The following CD38 variants were observed in gnomAD, a reference collection of about 807,000 sequenced individuals.
CD38 encodes ADP-ribosyl cyclase/cyclic ADP-ribose hydrolase 1.
CD38 carries 31 observed loss-of-function variants against 36.3 expected under a neutral mutation model. That is an observed-to-expected ratio of 0.85 (90% CI 0.64 to 1.15). The LOEUF is 1.15. Among genes scored for constraint, CD38 ranks in the 50% most tolerant of loss-of-function variants. The pLI, the probability that CD38 is intolerant of heterozygous loss-of-function variation, is 0.00. For synonymous variants in CD38, 131 were observed against 135.2 expected, an observed-to-expected ratio of 0.97 and a Z score of 0.22; for missense variants, 380 against 371.9, an observed-to-expected ratio of 1.02 and a Z score of -0.18.
chr4:15,819,995 C>G (rs573925418), intron 2 of CD38, among the ~76,000 whole-genome samples: 1 of 152,208 alleles, frequency 6.6e-6, no homozygotes, highest in Non-Finnish European at 1.5e-5. Context: ...AACAGCAGAC[C>G]TCTCAGCAGA....
chr4:15,821,005 C>T (rs13124795), intron 2 of CD38, among the ~76,000 whole-genome samples: 21,327 of 152,172 alleles, frequency 0.14, 1,707 homozygotes, highest in South Asian at 0.24. Flanking sequence ...GACCACAGCA[C>T]AATCAAATTA....
At chr4:15,814,634 G>A (rs1394630264) in intron 1 of CD38, among the ~76,000 whole-genome samples, 8 of 151,974 alleles carry the variant, frequency 5.3e-5, no homozygotes, top group African/African-American at 1.7e-4. Flanking sequence ...GTAAAGAAGG[G>A]GTCCAGTTTT....
intron 4 of CD38, among the ~76,000 whole-genome samples, chr4:15,837,402 G>T (rs1724092755): frequency 6.6e-6 from 1 of 151,994 alleles, no homozygotes; most frequent in Non-Finnish European, 1.5e-5. Context: ...ATACAATACA[G>T]TTGGATAATG....
intron 3 of CD38, among the ~76,000 whole-genome samples, chr4:15,831,551 C>T (rs556979932): frequency 6.6e-6 from 1 of 151,998 alleles, no homozygotes; most frequent in Admixed American, 6.6e-5. Context: ...ACCAGATATA[C>T]TATTCTAGAG....
chr4:15,790,945 G>A (rs372644620), intron 1 of CD38, among the ~76,000 whole-genome samples: 2 of 143,932 alleles, frequency 1.4e-5, no homozygotes, highest in Admixed American at 6.8e-5. Flanking sequence ...CCTGGCAACC[G>A]CCCCGTCTGA....
chr4:15,782,141 G>A (rs1463176158), intron 1 of CD38, among the ~76,000 whole-genome samples: 1 of 152,162 alleles, frequency 6.6e-6, no homozygotes, highest in East Asian at 1.9e-4. Flanking sequence ...CCTGGTGGAG[G>A]TGAATTTCTT....
At position 15,778,445 on chromosome 4, in the gene CD38, G is replaced by A; in HGVS notation, c.31G>A (p.Gly11Arg). 1.2e-6 allele frequency: 2 copies of A among 1,613,830 alleles called. No individual in the cohort carries two copies. The highest frequency in any genetic ancestry group is 1.7e-6 in the Non-Finnish European group (2 of 1,179,918). The change falls in exon 1 of 8, where the codon GGG becomes AGG. Residue 11 changes from glycine to arginine, a missense_variant. Physicochemically the swap from Gly to Arg is moderately radical, Grantham distance 125. Coordinates refer to ENST00000226279, the MANE Select transcript of CD38 (RefSeq NM_001775.4). The surrounding 1 kb of genome is among the most constrained non-coding windows in gnomAD (Gnocchi z 4.9). ...CAACTGCGAGTTCAGCCCGGTGTCC[G>A]GGGACAAACCCTGCTGCCGGCTCTC... The part of the protein sequence containing the change: MANCEFSPVS[G>R]DKPCCRLSRR...
At chr4:15,783,056 C>A (rs1334946575) in intron 1 of CD38, among the ~76,000 whole-genome samples, 2 of 152,194 alleles carry the variant, frequency 1.3e-5, no homozygotes, top group Non-Finnish European at 2.9e-5. Flanking sequence ...CTGAACAGAT[C>A]ACCTCTGGTT....
rs1723818861 is a variant in CD38, at chr4:15,825,035, TGGGATTGCCCA to T, written c.499+25_499+35del. The T allele has an allele frequency of 6.3e-7, 1 of 1,593,498 alleles. No individual in the cohort carries two copies. The highest frequency in any genetic ancestry group is 1.8e-5 in the Admixed American group (1 of 56,006). On this transcript the variant is annotated intron_variant, in intron 3 of 7. Transcript: ENST00000226279. ...ACTTCCAGTGAGGCTCTGGGCCCTG[TGGGATTGCCCA>T]GGGATGTGGAGGGTGAACAGAGTGA...
chr4:15,836,670 T>G (rs547405637), intron 4 of CD38, among the ~76,000 whole-genome samples: 1 of 152,342 alleles, frequency 6.6e-6, no homozygotes, highest in African/African-American at 2.4e-5. Flanking sequence ...AAAGCCATGC[T>G]CTTCAATTTT....
chr4:15,849,814 T>C lies in CD38; in HGVS notation c.*1212T>C, dbSNP rs984228717. The C allele has an allele frequency of 1.3e-5, 2 of 152,218 alleles. No homozygotes were observed. The highest frequency in any genetic ancestry group is 1.3e-4 in the Admixed American group (2 of 15,282). 9.4% of individuals were successfully genotyped at this position (152,218 alleles called of 1,614,324 possible). On this transcript the variant is annotated 3_prime_UTR_variant, in exon 8 of 8. Transcript: ENST00000226279. ...CAGCTTCTTGAGATGGAAGTTTAGATCACTGATCCTTCAGCTTGTTTTCTT... is the reference window on the plus strand; with the variant it reads ...CAGCTTCTTGAGATGGAAGTTTAGACCACTGATCCTTCAGCTTGTTTTCTT...
rs981539391 is a variant in CD38, at chr4:15,852,168, C to A, written c.*3566C>A. The A allele has an allele frequency of 6.6e-6, 1 of 152,202 alleles. No individual in the cohort carries two copies. Among genetic ancestry groups the A allele is most frequent in the African/African-American group, 2.4e-5 (1 of 41,440 alleles). The allele number at this position is 152,202 out of a possible 1,614,324, so 9.4% of individuals were successfully genotyped here. A position where few individuals can be genotyped will look rare whatever the true frequency, so the allele number is the denominator to read the frequency against. On this transcript the variant is annotated 3_prime_UTR_variant, in exon 8 of 8. Coordinates refer to ENST00000226279, the MANE Select transcript of CD38 (RefSeq NM_001775.4). ...TAGGTCTTACTTTAGCCCTGAGTCA[C>A]CATTTGTGTCAACGTGTTTAGTGCC...
At position 15,838,077 on chromosome 4, in the gene CD38, A is replaced by T. The variant is rs1235807854; in HGVS notation, c.586-15A>T. The T allele has an allele frequency of 3.2e-6, 4 of 1,264,294 alleles. No homozygotes were observed. The highest frequency in any genetic ancestry group is 4.4e-6 in the Non-Finnish European group (4 of 914,190). The allele number at this position is 1,264,294 out of a possible 1,614,324, so 78.3% of individuals were successfully genotyped here. ...TAAGTTTGCATGATGAATGGTGGGCATTTTTTTTTTTAAGTTTGCAGAAGC... is the reference window on the plus strand; with the variant it reads ...TAAGTTTGCATGATGAATGGTGGGCTTTTTTTTTTTTAAGTTTGCAGAAGC... On this transcript the variant is annotated splice_polypyrimidine_tract_variant and intron_variant, in intron 4 of 7. Transcript: ENST00000226279.
chr4:15,834,632 C>A (rs1222863588), intron 4 of CD38, among the ~76,000 whole-genome samples: 1 of 152,156 alleles, frequency 6.6e-6, no homozygotes. Context: ...TAACAATCTA[C>A]ATGTATAGAC....
chr4:15,851,800 TAG>T lies in CD38; in HGVS notation c.*3201_*3202del, dbSNP rs926745110. ...TGATTTTGTCATTGTGTGAACATCATAGAGTGTACTTACACTAACCTAGATGG... is the reference window on the plus strand; with the variant it reads ...TGATTTTGTCATTGTGTGAACATCATAGTGTACTTACACTAACCTAGATGG... On this transcript the variant is annotated 3_prime_UTR_variant, in exon 8 of 8. Transcript: ENST00000226279. The T allele has an allele frequency of 3.3e-5, 5 of 152,190 alleles. No homozygotes were observed. The highest frequency in any genetic ancestry group is 1.2e-4 in the African/African-American group (5 of 41,444). The allele number at this position is 152,190 out of a possible 1,614,324, so 9.4% of individuals were successfully genotyped here.
intron 1 of CD38, among the ~76,000 whole-genome samples, chr4:15,815,912 G>A (rs1723585089): frequency 6.6e-6 from 1 of 152,084 alleles, no homozygotes; most frequent in Admixed American, 6.5e-5. Flanking sequence ...TTCAGAAATA[G>A]CTCTTATTAT....
chr4:15,782,085 C>T (rs1297462399), intron 1 of CD38, among the ~76,000 whole-genome samples: 1 of 152,166 alleles, frequency 6.6e-6, no homozygotes, highest in Non-Finnish European at 1.5e-5. Context: ...CTCTGTGTTG[C>T]CACACGGCCT....
intron 3 of CD38, among the ~76,000 whole-genome samples, chr4:15,829,679 T>C (rs927579669): frequency 1.3e-5 from 2 of 152,176 alleles, no homozygotes; most frequent in African/African-American, 4.8e-5. Context: ...TGCTATCAAA[T>C]AATAGGTCTT....
intron 1 of CD38, among the ~76,000 whole-genome samples, chr4:15,787,024 TCAGA>T (rs1722851508): frequency 6.6e-6 from 1 of 152,170 alleles, no homozygotes; most frequent in African/African-American, 2.4e-5. Context: ...CGCCGGCCGC[TCAGA>T]GTGCGGCCTG....
Sources: allele counts gnomAD v4.1 joint callset (sites outside exome capture counted in the v4.1 genomes callset), GRCh38; gene constraint gnomAD v4.1.1; non-coding constraint Gnocchi (gnomAD v3.1); transcripts MANE v1.5; gene names NCBI Gene and HGNC (gene_info 2026-07-23, HGNC 2026-07-21).